RASAL1: variants seen among roughly 807,000 people sequenced by gnomAD.
The protein encoded by RASAL1 is rasGAP-activating-like protein 1.
Under a neutral mutation model 96.6 loss-of-function variants are expected in RASAL1, and 72 were observed. That is an observed-to-expected ratio of 0.75 (90% CI 0.62 to 0.91). RASAL1 has a LOEUF of 0.91. RASAL1 is among the 40% of genes least tolerant of loss of function. The pLI, the probability that RASAL1 is intolerant of heterozygous loss-of-function variation, is 0.00. For synonymous variants in RASAL1, 405 were observed against 430.4 expected (o/e 0.94, Z 0.73); for missense variants, 1,016 against 1,072.5 (o/e 0.95, Z 0.74).
At position 113,122,716 on chromosome 12, in the gene RASAL1, TGAGTA is replaced by T. The variant is rs1228613217; in HGVS notation, c.299-1083_299-1079del. 4.6e-5 allele frequency among the ~76,000 whole-genome samples: 7 copies of T among 152,360 alleles called. No individual in the cohort carries two copies. The East Asian group carries it at 1.3e-3, about 29-fold the overall frequency. The stretch of plus-strand genomic sequence containing the variant: ...AGATACAGATTTTTTAAAATCCTGC[TGAGTA>T]GAGATTGCACTGCTTCTATTTATGG... On this transcript the variant is annotated intron_variant, in intron 4 of 20. Transcript: ENST00000548055.
intron 15 of RASAL1, 45 bp from the exon 16 acceptor site, chr12:113,105,931 A>G: frequency 3.9e-6 from 6 of 1,557,118 alleles, no homozygotes; most frequent in Non-Finnish European, 5.3e-6. Context: ...GCCCTCCCTA[A>G]CCAGGCTCAC....
intron 20 of RASAL1, among the ~76,000 whole-genome samples, chr12:113,100,344 G>A (rs1400840709): frequency 6.6e-6 from 1 of 152,130 alleles, no homozygotes; most frequent in Admixed American, 6.5e-5. Flanking sequence ...TGTTGCCCAG[G>A]GTGCAGTGCA....
intron 20 of RASAL1, 135 bp from the exon 21 acceptor site, chr12:113,100,203 A>C: frequency 9.8e-7 from 1 of 1,024,630 alleles, no homozygotes; most frequent in Non-Finnish European, 1.4e-6. Flanking sequence ...ATCCCCACAC[A>C]CAGCCCTGTG....
rs921057386 is a variant in RASAL1 at position 113,130,577 on chromosome 12, C to G, written c.122+308G>C. 1.3e-5 allele frequency among the ~76,000 whole-genome samples: 2 copies of G among 152,166 alleles called. No individual in the cohort carries two copies. The highest frequency in any genetic ancestry group is 2.9e-5 in the Non-Finnish European group (2 of 68,024). On this transcript the variant is annotated intron_variant, in intron 2 of 20. Transcript: ENST00000548055. The surrounding 1 kb of genome is among the most constrained non-coding windows in gnomAD (Gnocchi z 5.1). ...CAGTGCCCGCAGCACCCGGCAGGCC[C>G]GGAACCAACCAGTCCAGCCAAGCGT...
At chr12:113,109,675 C>A (rs892074940) in intron 13 of RASAL1, among the ~76,000 whole-genome samples, 1 of 152,190 alleles carries the variant, frequency 6.6e-6, no homozygotes, top group Non-Finnish European at 1.5e-5. Context: ...ATGCCCTCCC[C>A]GGGGCGTGTG....
Position 113,135,714 on chromosome 12 carries a change from A to C in RASAL1, c.-252T>G, listed in dbSNP as rs1951890186. ...AGCAGGAGGAGCGCGCAGGGGGCGC[A>C]GCGGGCTCTTGCCGAGGCGTCTGGA... On this transcript the variant is annotated 5_prime_UTR_variant, in exon 1 of 21. Coordinates refer to ENST00000548055, the MANE Select transcript of RASAL1 (RefSeq NM_001301202.2). The surrounding 1 kb of genome is among the most constrained non-coding windows in gnomAD (Gnocchi z 5.7). 1 of 234,460 alleles carries C rather than the reference A, an allele frequency of 4.3e-6. No individual in the cohort carries two copies. The allele number at this position is 234,460 out of a possible 1,614,324, so 14.5% of individuals were successfully genotyped here. A position where few individuals can be genotyped will look rare whatever the true frequency, so the allele number is the denominator to read the frequency against.
At chr12:113,109,493 G>A (rs772491377) in intron 13 of RASAL1, among the ~76,000 whole-genome samples, 30 of 152,080 alleles carry the variant, frequency 2.0e-4, no homozygotes, top group Non-Finnish European at 3.7e-4. Context: ...TAAAGGTAAC[G>A]CTGGTTCCCC....
chr12:113,121,708 T>G, intron 4 of RASAL1, 70 bp from the exon 5 acceptor site: 1 of 1,533,010 alleles, frequency 6.5e-7, no homozygotes, highest in South Asian at 1.2e-5. Flanking sequence ...ACTTAAAAAT[T>G]CAATTAACAT....
chr12:113,104,226 G>C lies in RASAL1; in HGVS notation c.1903C>G (p.His635Asp), dbSNP rs767038020. 1 of 1,608,368 alleles carries C rather than the reference G, an allele frequency of 6.2e-7. No individual in the cohort carries two copies. The highest frequency in any genetic ancestry group is 1.1e-5 in the South Asian group (1 of 90,080). Residue 635 changes from histidine to aspartate, a missense_variant, in exon 17 of 21, where the codon CAC (histidine) becomes GAC (aspartate). His to Asp is a moderately conservative substitution (Grantham distance 81). Transcript: ENST00000548055. ...TCCTGCGTCACCACCTGCATCACGTGGGGCAGTTGGAAGGCGCCCTCGTCT... is the reference window on the plus strand; with the variant it reads ...TCCTGCGTCACCACCTGCATCACGTCGGGCAGTTGGAAGGCGCCCTCGTCT... ...RVDEGAFQLP[H>D]VMQVVTQDGT...
chr12:113,135,412 C>T lies in RASAL1; in HGVS notation c.51G>A (p.Leu17=). Residue 17 remains leucine, a synonymous_variant, in exon 1 of 21, where the codon CTG becomes CTA. Transcript: ENST00000548055. This position sits in a 1 kb window ranked among gnomAD's most constrained non-coding sequence, Gnocchi z 5.7. The part of the protein sequence containing the change: ...LNVRVVEGRA[L]PAKDVSGSSD... ...GGAGTACTCACACGTCCTTGGCAGG[C>T]AGCGCGCGGCCCTCCACCACGCGAA... 6.2e-7 allele frequency: 1 copy of T among 1,609,548 alleles called. No individual in the cohort carries two copies. Among genetic ancestry groups the T allele is most frequent in the Non-Finnish European group, 8.5e-7 (1 of 1,178,422 alleles).
intron 13 of RASAL1, among the ~76,000 whole-genome samples, chr12:113,109,400 T>G (rs1950779991): frequency 6.6e-6 from 1 of 152,156 alleles, no homozygotes; most frequent in African/African-American, 2.4e-5. Flanking sequence ...CCATCCTGTG[T>G]GCACCTCCCC....
In RASAL1 at chr12:113,127,885, C is replaced by A. The variant is rs780575788; in HGVS notation, c.237-12G>T. 3 of 1,612,472 alleles carry A rather than the reference C, an allele frequency of 1.9e-6. No individual in the cohort carries two copies. In the Admixed American group the frequency reaches 5.0e-5, roughly 27 times the overall value. ...TGATGTCGTCGTGCCTGCAGGAAGG[C>A]GGGCACGTGAAGGTCTGAGTCAGGG... On this transcript the variant is annotated splice_polypyrimidine_tract_variant and intron_variant, in intron 3 of 20. Transcript: ENST00000548055.
intron 7 of RASAL1, among the ~76,000 whole-genome samples, chr12:113,118,793 T>G (rs1371828083): frequency 6.6e-6 from 1 of 152,144 alleles, no homozygotes; most frequent in Non-Finnish European, 1.5e-5. Context: ...AGTCCCAGCC[T>G]CATAGGGTAG....
In RASAL1 at chr12:113,130,738, C is replaced by CCAGCTG; in HGVS notation, c.122+141_122+146dup. 1.6e-6 allele frequency: 1 copy of CCAGCTG among 637,644 alleles called. No individual in the cohort carries two copies. The highest frequency in any genetic ancestry group is 2.7e-6 in the Non-Finnish European group (1 of 370,394). The allele number at this position is 637,644 out of a possible 1,614,324, so 39.5% of individuals were successfully genotyped here. A position where few individuals can be genotyped will look rare whatever the true frequency, so the allele number is the denominator to read the frequency against. On this transcript the variant is annotated intron_variant, in intron 2 of 20. Transcript: ENST00000548055. This position sits in a 1 kb window ranked among gnomAD's most constrained non-coding sequence, Gnocchi z 5.1. ...TGGTCGGGGAGAGGAGCTGGCAGTC[C>CCAGCTG]CAGCTGGACACAAATCACCCACCTG... is the stretch of plus-strand genomic sequence containing the variant.
chr12:113,113,014 C>A (rs1184896127), intron 12 of RASAL1, among the ~76,000 whole-genome samples: 1 of 151,962 alleles, frequency 6.6e-6, no homozygotes, highest in African/African-American at 2.4e-5. Flanking sequence ...TGTCTCCCCC[C>A]AGAATAGGGA....
Position 113,135,541 on chromosome 12 carries a change from G to A in RASAL1, c.-79C>T. On this transcript the variant is annotated 5_prime_UTR_variant, in exon 1 of 21. Coordinates refer to ENST00000548055, the MANE Select transcript of RASAL1 (RefSeq NM_001301202.2). The surrounding 1 kb of genome is among the most constrained non-coding windows in gnomAD (Gnocchi z 5.7). ...ACCAGGGGACGTCTACATGTCACCT[G>A]CTTCAAGCCTGGCTCCCTGCCTCGT... 1.6e-6 allele frequency: 2 copies of A among 1,253,160 alleles called. No individual in the cohort carries two copies. Among genetic ancestry groups the A allele is most frequent in the Non-Finnish European group, 2.3e-6 (2 of 884,138 alleles). 77.6% of individuals were successfully genotyped at this position (1,253,160 alleles called of 1,614,324 possible). A position where few individuals can be genotyped will look rare whatever the true frequency, so the allele number is the denominator to read the frequency against.
chr12:113,103,872 C>G, intron 18 of RASAL1, 74 bp downstream of exon 18: 1 of 1,536,366 alleles, frequency 6.5e-7, no homozygotes, highest in Admixed American at 2.0e-5. Context: ...GCACAGCCAG[C>G]CCAGGCGGAA....
At chr12:113,125,618 A>G (rs1481057790) in intron 4 of RASAL1, among the ~76,000 whole-genome samples, 2 of 152,212 alleles carry the variant, frequency 1.3e-5, no homozygotes, top group African/African-American at 4.8e-5. Context: ...TTTACAACTA[A>G]TTGATCACAA....
chr12:113,099,700 C>G lies in RASAL1; in HGVS notation c.*229G>C, dbSNP rs1386414625. The G allele has an allele frequency of 8.5e-6, 4 of 469,190 alleles. No homozygotes were observed. Among genetic ancestry groups the G allele is most frequent in the Non-Finnish European group, 1.1e-5 (3 of 276,124 alleles). The allele number at this position is 469,190 out of a possible 1,614,324, so 29.1% of individuals were successfully genotyped here. ...GGTTCCTTATCCTATCCACTCCAGT[C>G]TGAATCAAGCCAGAGGGCAAGTTTC... On this transcript the variant is annotated 3_prime_UTR_variant, in exon 21 of 21. Transcript: ENST00000548055.
Sources: allele counts gnomAD v4.1 joint callset (sites outside exome capture counted in the v4.1 genomes callset), GRCh38; gene constraint gnomAD v4.1.1; non-coding constraint Gnocchi (gnomAD v3.1); transcripts MANE v1.5; gene names NCBI Gene and HGNC (gene_info 2026-07-23, HGNC 2026-07-21).